PTPRD: variants seen among roughly 807,000 people sequenced by gnomAD.
PTPRD encodes receptor-type tyrosine-protein phosphatase delta.
A neutral mutation model predicts 214.5 loss-of-function variants in PTPRD; 34 were observed. The ratio of observed to expected loss-of-function variants is 0.16; its 90% confidence interval spans 0.12 to 0.21. The LOEUF is 0.21. Ranked by LOEUF, PTPRD falls within the 10% of genes least tolerant of loss-of-function variation. PTPRD has a pLI of 1.00. For synonymous variants in PTPRD, 1,128 were observed against 845.7 expected (o/e 1.33, Z -5.79); for missense variants, 2,545 against 2,398.7 (o/e 1.06, Z -1.27).
intron 3 of PTPRD, among the ~76,000 whole-genome samples, chr9:10,050,807 C>T (rs943233815): frequency 3.4e-4 from 52 of 151,866 alleles, no homozygotes; most frequent in African/African-American, 1.2e-3. Flanking sequence ...ATTTCCTGTC[C>T]AATTTTGGGT....
intron 8 of PTPRD, among the ~76,000 whole-genome samples, chr9:9,524,861 GTT>G (rs2073673260): frequency 1.3e-5 from 2 of 152,102 alleles, no homozygotes; most frequent in African/African-American, 4.8e-5. Context: ...TTGTTTGTTT[GTT>G]TGTTTGTTTG....
At chr9:10,101,962 A>G (rs188776021) in intron 3 of PTPRD, among the ~76,000 whole-genome samples, 2 of 151,830 alleles carry the variant, frequency 1.3e-5, no homozygotes, top group Non-Finnish European at 1.5e-5. Context: ...GAAAAGCCAT[A>G]TGTCAATTGG....
chr9:8,550,581 A>G (rs73640927), intron 14 of PTPRD, among the ~76,000 whole-genome samples: 6,649 of 152,332 alleles, frequency 0.044, 505 homozygotes, highest in African/African-American at 0.15. Flanking sequence ...GTGCACACAC[A>G]TTCTCCAACA....
At chr9:10,254,870 C>T (rs1182426739) in intron 3 of PTPRD, among the ~76,000 whole-genome samples, 1 of 152,162 alleles carries the variant, frequency 6.6e-6, no homozygotes, top group African/African-American at 2.4e-5. Context: ...GCAATAATTG[C>T]AGTGTCTTGT....
intron 5 of PTPRD, among the ~76,000 whole-genome samples, chr9:9,812,050 A>G (rs2047312167): frequency 6.6e-6 from 1 of 152,236 alleles, no homozygotes; most frequent in Non-Finnish European, 1.5e-5. Context: ...AAGACGCTTC[A>G]TAAGCAAAAA....
chr9:9,207,461 G>C (rs953334054), intron 9 of PTPRD, among the ~76,000 whole-genome samples: 1 of 151,886 alleles, frequency 6.6e-6, no homozygotes, highest in Non-Finnish European at 1.5e-5. Context: ...TAGGGAAACA[G>C]TTCAAAGAAA....
At chr9:10,204,766 A>G (rs1224066722) in intron 3 of PTPRD, among the ~76,000 whole-genome samples, 1 of 152,168 alleles carries the variant, frequency 6.6e-6, no homozygotes, top group African/African-American at 2.4e-5. Flanking sequence ...TATCTAATAC[A>G]TGTAATTTTA....
At chr9:10,601,747 G>A (rs2078030230) in intron 2 of PTPRD, among the ~76,000 whole-genome samples, 1 of 151,668 alleles carries the variant, frequency 6.6e-6, no homozygotes, top group Non-Finnish European at 1.5e-5. Context: ...GCGACAGAAG[G>A]CAAAAACTCT....
chr9:9,622,782 G>T (rs967285169), intron 7 of PTPRD, among the ~76,000 whole-genome samples: 1 of 152,148 alleles, frequency 6.6e-6, no homozygotes, highest in African/African-American at 2.4e-5. Context: ...CTTGGTAAAG[G>T]GATAAACACT....
At chr9:10,138,949 T>C (rs546740846) in intron 3 of PTPRD, among the ~76,000 whole-genome samples, 59 of 151,900 alleles carry the variant, frequency 3.9e-4, no homozygotes, top group Admixed American at 2.0e-3. Flanking sequence ...TCACACCAAA[T>C]GGGCAAAACT....
At chr9:10,598,674 A>ATGTGTGTGTG (rs36093644) in intron 2 of PTPRD, among the ~76,000 whole-genome samples, 8 of 143,898 alleles carry the variant, frequency 5.6e-5, no homozygotes, top group South Asian at 2.3e-4. Flanking sequence ...TTATATATGT[A>ATGTGTGTGTG]TGTGTGTGTG....
chr9:8,518,229 C>A lies in PTPRD; in HGVS notation c.1162G>T (p.Asp388Tyr), dbSNP rs368577359. 1 of 1,614,070 alleles carries A rather than the reference C, an allele frequency of 6.2e-7. No homozygotes were observed. Among genetic ancestry groups the A allele is most frequent in the Non-Finnish European group, 8.5e-7 (1 of 1,180,030 alleles). Residue 388 changes from aspartate to tyrosine, a missense_variant, in exon 21 of 46, where the codon GAT becomes TAT. By Grantham distance (160) the Asp-to-Tyr change is radical. Transcript: ENST00000381196. ...YSVAGLSPYS[D>Y]YEFRVVAVNN... Reference sequence around the variant, plus strand: ...ACAGCAACAACCCTGAATTCATAATCCGAGTAGGGACTTAGTCCAGCGACA... The same window carrying A: ...ACAGCAACAACCCTGAATTCATAATACGAGTAGGGACTTAGTCCAGCGACA...
chr9:9,884,474 C>G (rs921662031), intron 5 of PTPRD, among the ~76,000 whole-genome samples: 2 of 152,014 alleles, frequency 1.3e-5, no homozygotes, highest in Non-Finnish European at 2.9e-5. Context: ...AAACATTTAC[C>G]ACCACCAAAC....
rs764618985 is a variant in PTPRD, at chr9:8,485,777, G to C, written c.3040C>G (p.Leu1014Val). The C allele has an allele frequency of 4.3e-6, 7 of 1,611,768 alleles. No individual in the cohort carries two copies. Among genetic ancestry groups the C allele is most frequent in the East Asian group, 2.2e-5 (1 of 44,866 alleles). ...CAAATCCTACCTTGATCCACAGGCAGTGTCCTGAACTGGACACTGGGACTA... is the reference window on the plus strand; with the variant it reads ...CAAATCCTACCTTGATCCACAGGCACTGTCCTGAACTGGACACTGGGACTA... Reference protein sequence around the residue: ...PYSPSVQFRTLPVDQVFAKNF... With the variant: ...PYSPSVQFRTVPVDQVFAKNF... Residue 1014 changes from leucine (L) to valine (V), a missense_variant, in exon 28 of 46, where the codon CTG becomes GTG. Leu to Val is a conservative substitution (Grantham distance 32). Transcript: ENST00000381196.
At chr9:8,855,068 C>G (rs538699392) in intron 11 of PTPRD, among the ~76,000 whole-genome samples, 7 of 150,864 alleles carry the variant, frequency 4.6e-5, no homozygotes, top group Non-Finnish European at 1.0e-4. Flanking sequence ...TAACTAGTAT[C>G]AGAATATGAG....
intron 7 of PTPRD, among the ~76,000 whole-genome samples, chr9:9,687,947 G>C (rs1324492427): frequency 6.6e-6 from 1 of 151,782 alleles, no homozygotes; most frequent in East Asian, 1.9e-4. Flanking sequence ...TTGGATCATG[G>C]GGGCAGTTTC....
At chr9:8,706,518 C>T (rs1277477710) in intron 12 of PTPRD, among the ~76,000 whole-genome samples, 3 of 151,968 alleles carry the variant, frequency 2.0e-5, no homozygotes, top group Non-Finnish European at 2.9e-5. Flanking sequence ...TTTTTTCCTT[C>T]CCCTACTGTG....
At chr9:8,629,226 T>C (rs893312057) in intron 14 of PTPRD, among the ~76,000 whole-genome samples, 5 of 151,832 alleles carry the variant, frequency 3.3e-5, no homozygotes, top group African/African-American at 1.2e-4. Context: ...GTTATGTAAG[T>C]AAGAATAATT....
intron 11 of PTPRD, among the ~76,000 whole-genome samples, chr9:9,007,541 T>C (rs1029167589): frequency 6.6e-6 from 1 of 152,060 alleles, no homozygotes; most frequent in Non-Finnish European, 1.5e-5. Flanking sequence ...TACAAACCTA[T>C]CAATATTTCT....
Sources: gnomAD v4.1 joint callset for allele counts (sites outside exome capture counted in the v4.1 genomes callset) on GRCh38, gnomAD v4.1.1 for gene constraint, MANE v1.5 for transcripts, NCBI Gene and HGNC (gene_info 2026-07-23, HGNC 2026-07-21) for gene names.